The following PSD3 variants were observed in gnomAD, a reference collection of about 807,000 sequenced individuals.
PSD3 encodes the protein PH and SEC7 domain-containing protein 3.
PSD3 carries 49 observed loss-of-function variants against 105.5 expected under a neutral mutation model. That is an observed-to-expected ratio of 0.46 (90% confidence interval 0.37 to 0.59). The LOEUF (loss-of-function observed/expected upper bound fraction) is 0.59, where lower values mean the gene tolerates loss of function less well. PSD3 is among the 20% of genes least tolerant of loss of function. PSD3 has a pLI of 0.00. For synonymous variants in PSD3, 557 were observed against 457.8 expected (o/e 1.22, Z -2.77); for missense variants, 1,561 against 1,263.8 (o/e 1.24, Z -3.57).
At chr8:19,076,872 T>C (rs935969679) in intron 1 of PSD3, among the ~76,000 whole-genome samples, 1 of 152,120 alleles carries the variant, frequency 6.6e-6, no homozygotes, top group African/African-American at 2.4e-5. Context: ...GGAAGCACGG[T>C]GTTAAGTCTG....
At chr8:18,846,751 C>T (rs899969958) in intron 4 of PSD3, among the ~76,000 whole-genome samples, 4 of 152,182 alleles carry the variant, frequency 2.6e-5, no homozygotes, top group African/African-American at 9.7e-5. Context: ...GGTCTCAACT[C>T]CCTTTGCCCT....
intron 14 of PSD3, among the ~76,000 whole-genome samples, chr8:18,566,998 C>T (rs75642720): frequency 0.024 from 3,654 of 152,204 alleles, 64 homozygotes; most frequent in East Asian, 0.087. Context: ...AGTATACAGT[C>T]CCTAAATAGG....
At chr8:18,566,198 T>C (rs914901824) in intron 14 of PSD3, among the ~76,000 whole-genome samples, 1 of 152,162 alleles carries the variant, frequency 6.6e-6, no homozygotes, top group Non-Finnish European at 1.5e-5. Flanking sequence ...ACAAACCTTA[T>C]GACTCGGCAA....
chr8:18,807,922 G>A (rs575107658), intron 4 of PSD3, among the ~76,000 whole-genome samples: 5 of 152,092 alleles, frequency 3.3e-5, no homozygotes, highest in Non-Finnish European at 5.9e-5. Flanking sequence ...TGGACAACAC[G>A]GTGAGACCCT....
intron 4 of PSD3, among the ~76,000 whole-genome samples, chr8:18,832,023 A>G (rs1471471777): frequency 6.6e-6 from 1 of 152,238 alleles, no homozygotes; most frequent in Non-Finnish European, 1.5e-5. Flanking sequence ...CAGGCTCACA[A>G]AAGCAAAAAC....
intron 9 of PSD3, among the ~76,000 whole-genome samples, chr8:18,667,255 T>C (rs1000881912): frequency 6.6e-6 from 1 of 152,166 alleles, no homozygotes; most frequent in Non-Finnish European, 1.5e-5. Flanking sequence ...TTTGACAAGG[T>C]GCTGACTGGT....
chr8:18,896,720 T>C (rs893435806), intron 2 of PSD3, among the ~76,000 whole-genome samples: 1 of 152,064 alleles, frequency 6.6e-6, no homozygotes, highest in Admixed American at 6.5e-5. Context: ...GCCTCCTTAA[T>C]GGGTTTACTA....
At position 18,867,856 on chromosome 8, in the gene PSD3, C is replaced by T. The variant is rs1455778421; in HGVS notation, c.1452G>A (p.Gln484=). 1 of 1,614,054 alleles carries T rather than the reference C, an allele frequency of 6.2e-7. No homozygotes were observed. Among genetic ancestry groups the T allele is most frequent in the Non-Finnish European group, 8.5e-7 (1 of 1,180,040 alleles). The change falls in exon 4 of 16, where the codon CAG becomes CAA. Residue 484 remains glutamine, a synonymous_variant. Coordinates refer to ENST00000327040, the MANE Select transcript of PSD3 (RefSeq NM_015310.4). ...FEMPLTPMIQ[Q]RIKEGGQFLE... ...AGAACTGACCACCTTCTTTAATGCG[C>T]TGTTGTATCATTGGAGTGAGGGGCA... is the stretch of plus-strand genomic sequence containing the variant.
intron 4 of PSD3, among the ~76,000 whole-genome samples, chr8:18,859,804 G>A (rs1816299462): frequency 6.6e-6 from 1 of 152,226 alleles, no homozygotes; most frequent in African/African-American, 2.4e-5. Flanking sequence ...TCTGGCTTCG[G>A]CTTAAGGAAA....
intron 9 of PSD3, among the ~76,000 whole-genome samples, chr8:18,736,161 A>T (rs1054850771): frequency 1.3e-5 from 2 of 152,176 alleles, no homozygotes; most frequent in African/African-American, 4.8e-5. Context: ...CGTAATTTCT[A>T]TAACCTCCAA....
At chr8:18,931,661 G>A (rs1007411177) in intron 2 of PSD3, among the ~76,000 whole-genome samples, 4 of 152,188 alleles carry the variant, frequency 2.6e-5, no homozygotes, top group Admixed American at 1.3e-4. Flanking sequence ...TTTTAATGAT[G>A]GGCTCTGAAC....
chr8:18,621,929 C>G (rs1426932383), intron 11 of PSD3, among the ~76,000 whole-genome samples: 1 of 152,180 alleles, frequency 6.6e-6, no homozygotes, highest in Non-Finnish European at 1.5e-5. Flanking sequence ...CCATTATAAA[C>G]TATTTTCAGT....
In PSD3 at chr8:18,594,193, TAC is replaced by T. The variant is rs1491548539; in HGVS notation, c.2481+6169_2481+6170del. On this transcript the variant is annotated intron_variant, in intron 12 of 15. Coordinates refer to ENST00000327040, the MANE Select transcript of PSD3 (RefSeq NM_015310.4). ...ATATTATATAATATATATTATTATA[TAC>T]ATATTATATAATATATATTATTATA... is the stretch of plus-strand genomic sequence containing the variant. Among the ~76,000 whole-genome samples the T allele has an allele frequency of 4.8e-3, 77 of 15,930 alleles. 4 individuals are homozygous for T. Among genetic ancestry groups the T allele is most frequent in the East Asian group, 7.5e-3 (3 of 398 alleles). 10.5% of individuals were successfully genotyped at this position (15,930 alleles called of 152,430 possible). A position where few individuals can be genotyped will look rare whatever the true frequency, so the allele number is the denominator to read the frequency against.
chr8:18,801,357 CAA>C lies in PSD3; in HGVS notation c.1934_1935del (p.Leu645ArgfsTer17), dbSNP rs1563285743. On this transcript the variant is annotated frameshift_variant, in exon 7 of 16. Coordinates refer to ENST00000327040, the MANE Select transcript of PSD3 (RefSeq NM_015310.4). LOFTEE classifies it high-confidence loss of function. ...SLRYFFKAFS[L>X]VGETQERERV... is the part of the protein sequence containing the mutation. ...CTCTCTCGTTCTTGAGTTTCTCCCA[CAA>C]GAGAGAATGCTTTAAAGAAATACCT... is the stretch of plus-strand genomic sequence containing the variant. The C allele has an allele frequency of 6.2e-7, 1 of 1,604,546 alleles. No individual in the cohort carries two copies. Among genetic ancestry groups the C allele is most frequent in the Admixed American group, 1.7e-5 (1 of 59,074 alleles).
chr8:18,990,311 A>G (rs1196826488), intron 1 of PSD3, among the ~76,000 whole-genome samples: 1 of 152,222 alleles, frequency 6.6e-6, no homozygotes, highest in Non-Finnish European at 1.5e-5. Context: ...GTCTGGCCCT[A>G]GCTTATCTTT....
chr8:19,046,983 C>G (rs920447685), intron 1 of PSD3, among the ~76,000 whole-genome samples: 2 of 152,216 alleles, frequency 1.3e-5, no homozygotes, highest in Non-Finnish European at 2.9e-5. Flanking sequence ...GGGGTTAAAT[C>G]TTAGGGCTGG....
chr8:18,897,556 G>A (rs543300500), intron 2 of PSD3, among the ~76,000 whole-genome samples: 4 of 152,254 alleles, frequency 2.6e-5, no homozygotes, highest in Admixed American at 1.3e-4. Context: ...CTGGTACTTT[G>A]ATAGGGAATG....
intron 9 of PSD3, among the ~76,000 whole-genome samples, chr8:18,703,089 A>T (rs1355787987): frequency 6.6e-6 from 1 of 152,136 alleles, no homozygotes; most frequent in Non-Finnish European, 1.5e-5. Context: ...TCCTTATTTG[A>T]GAGTGTCGAG....
chr8:18,813,775 A>G (rs1811927822), intron 4 of PSD3, among the ~76,000 whole-genome samples: 1 of 152,208 alleles, frequency 6.6e-6, no homozygotes, highest in South Asian at 2.1e-4. Flanking sequence ...TAAGGTTTTT[A>G]GCTATAAAAC....
Sources: gnomAD v4.1 joint callset for allele counts (sites outside exome capture counted in the v4.1 genomes callset) on GRCh38, gnomAD v4.1.1 for gene constraint, MANE v1.5 for transcripts, NCBI Gene and HGNC (gene_info 2026-07-23, HGNC 2026-07-21) for gene names.